CHST15: variants seen among roughly 807,000 people sequenced by gnomAD.
CHST15 encodes the protein B cell RAG associated protein (GALNAC4S-6ST).
Under a neutral mutation model 53.6 loss-of-function variants are expected in CHST15, and 30 were observed. The ratio of observed to expected loss-of-function variants is 0.56; its 90% CI spans 0.42 to 0.76. The LOEUF is 0.76. Among genes scored for constraint, CHST15 ranks in the 30% least tolerant of loss-of-function variants. The probability of loss-of-function intolerance (pLI) is 0.00; values close to 1 mark genes in which losing one functional copy is unlikely to be tolerated. For missense variants in CHST15, 627 were observed against 740.5 expected (o/e 0.85, Z 1.78); for synonymous variants, 296 against 289.8 (o/e 1.02, Z -0.22).
At chr10:124,055,063 T>C (rs1261142232) in intron 1 of CHST15, among the ~76,000 whole-genome samples, 5 of 152,094 alleles carry the variant, frequency 3.3e-5, no homozygotes, top group African/African-American at 4.8e-5. Flanking sequence ...CTTCACAAAG[T>C]AACCCTTCTC....
Position 124,015,239 on chromosome 10 carries a change from G to A in CHST15, c.1348-2759C>T, listed in dbSNP as rs1388610091. Among the ~76,000 whole-genome samples the A allele has an allele frequency of 2.0e-5, 3 of 152,110 alleles. No individual in the cohort carries two copies. The East Asian group carries it at 5.8e-4, about 29-fold the overall frequency. On this transcript the variant is annotated intron_variant, in intron 6 of 7. Transcript: ENST00000435907. ...TTTTTTTTCCCCTCACCTTTTCCCG[G>A]TATAGGACAGAGAATCAAAATAGAA...
intron 1 of CHST15, among the ~76,000 whole-genome samples, chr10:124,062,191 C>G (rs1020066494): frequency 1.3e-5 from 2 of 152,056 alleles, no homozygotes; most frequent in African/African-American, 4.8e-5. Flanking sequence ...CAAAGGAACT[C>G]CAGGTCCAAG....
chr10:124,034,883 GACCCTGGCTCTACCCCTGATAGGT>G (rs2133938763), intron 5 of CHST15, among the ~76,000 whole-genome samples: 1 of 137,248 alleles, frequency 7.3e-6, no homozygotes, highest in Non-Finnish European at 1.5e-5. Flanking sequence ...CCCTAACAGG[GACCCTGGCTCTACCCCTGATAGGT>G]ACCCTGGCTT....
At chr10:124,040,398 C>T (rs923928135) in intron 4 of CHST15, among the ~76,000 whole-genome samples, 11 of 152,310 alleles carry the variant, frequency 7.2e-5, no homozygotes, top group Non-Finnish European at 2.9e-5. Flanking sequence ...AAGAGTACCA[C>T]GATGGGTACC....
intron 1 of CHST15, among the ~76,000 whole-genome samples, chr10:124,052,691 T>C (rs980886747): frequency 6.6e-6 from 1 of 152,218 alleles, no homozygotes; most frequent in Non-Finnish European, 1.5e-5. Context: ...ACCTGTATCA[T>C]GGCAGTGCTG....
Position 124,045,944 on chromosome 10 carries a change from G to A in CHST15, c.269C>T (p.Thr90Ile), listed in dbSNP as rs1564883742. The A allele has an allele frequency of 6.2e-7, 1 of 1,613,800 alleles. No individual in the cohort carries two copies. The highest frequency in any genetic ancestry group is 8.5e-7 in the Non-Finnish European group (1 of 1,180,006). The change falls in exon 2 of 8, where the codon ACC becomes ATC. Residue 90 changes from threonine to isoleucine, a missense_variant. Around this residue, in one of 3 missense-constraint regions of CHST15, gnomAD observed 187 missense variants for 251.8 expected, o/e 0.74. Transcript: ENST00000435907. ...AAGGATGTAAGAAGCCATTACCAAG[G>A]TCATTATTATCAGTCCAAAAACGAG... ...CSLVFGLIIMTLVMASYILSG... is the reference protein window; with the variant it reads ...CSLVFGLIIMILVMASYILSG...
In CHST15 at chr10:124,051,539, C is replaced by T. The variant is rs560595762; in HGVS notation, c.-512-4815G>A. On this transcript the variant is annotated intron_variant, in intron 1 of 7. Coordinates refer to ENST00000435907, the MANE Select transcript of CHST15 (RefSeq NM_001270764.2). ...TGGAATGTCCACATTTGGTGCCGGT[C>T]GACTCAGACAAGACGGGGCCCTTGG... Among the ~76,000 whole-genome samples the T allele has an allele frequency of 1.5e-3, 225 of 152,224 alleles. 1 individual carries two copies. The highest frequency in any genetic ancestry group is 2.9e-3 in the Admixed American group (44 of 15,292).
rs762290121 is a variant in CHST15 at position 124,021,240 on chromosome 10, G to T, written c.1347+16C>A. ...CAGGGGCCAGCTCGGGGGGTACGGG[G>T]GGGGGGGGTACACACAGGCATGGCG... On this transcript the variant is annotated intron_variant, in intron 6 of 7. Coordinates refer to ENST00000435907, the MANE Select transcript of CHST15 (RefSeq NM_001270764.2). 7 of 1,563,440 alleles carry T rather than the reference G, an allele frequency of 4.5e-6. No homozygotes were observed. In the South Asian group the frequency reaches 4.6e-5, roughly 10 times the overall value.
chr10:124,044,812 G>C lies in CHST15; in HGVS notation c.654C>G (p.Tyr218Ter), dbSNP rs570299656. The change falls in exon 3 of 8, where the codon TAC becomes TAG. Residue 218 changes from tyrosine to a stop codon, truncating the protein, a stop_gained. Transcript: ENST00000435907. LOFTEE classifies it high-confidence loss of function. ...NTTDPYLTNSYVLYSKRFRST... is the reference protein window; with the variant it reads ...NTTDPYLTNS ...AGCGGAAGCGCTTGGAGTAGAGCAC[G>C]TAGGAGTTGGTGAGGTAGGGGTCGG... The C allele has an allele frequency of 6.3e-7, 1 of 1,592,924 alleles. No individual in the cohort carries two copies. The highest frequency in any genetic ancestry group is 1.3e-5 in the African/African-American group (1 of 74,184).
chr10:124,086,141 T>C (rs1276243765), intron 1 of CHST15, among the ~76,000 whole-genome samples: 1 of 152,236 alleles, frequency 6.6e-6, no homozygotes, highest in Non-Finnish European at 1.5e-5. Flanking sequence ...ACCTCAATCA[T>C]GCTCTGCCAA....
chr10:124,061,768 C>T (rs1026314800), intron 1 of CHST15, among the ~76,000 whole-genome samples: 53 of 152,316 alleles, frequency 3.5e-4, no homozygotes, highest in Middle Eastern at 3.4e-3. Flanking sequence ...TCCAGTAAGA[C>T]ACGTCTCTGA....
chr10:124,075,458 C>T (rs1033570252), intron 1 of CHST15, among the ~76,000 whole-genome samples: 3 of 152,142 alleles, frequency 2.0e-5, no homozygotes, highest in African/African-American at 4.8e-5. Context: ...CACAGCGTCC[C>T]GGCTCCCTTT....
At chr10:124,012,656 C>T (rs1946453604) in intron 6 of CHST15, among the ~76,000 whole-genome samples, 176 bp from the exon 7 acceptor site, 2 of 152,164 alleles carry the variant, frequency 1.3e-5, no homozygotes, top group Admixed American at 1.3e-4. Flanking sequence ...GGGTTTTGTG[C>T]TACATGTGCA....
chr10:124,049,495 C>G (rs76585563), intron 1 of CHST15, among the ~76,000 whole-genome samples: 9,078 of 152,254 alleles, frequency 0.06, 890 homozygotes, highest in African/African-American at 0.2. Flanking sequence ...ATAAGGGCTG[C>G]AGATTAAGTC....
chr10:124,023,704 C>T (rs748168215), intron 5 of CHST15, among the ~76,000 whole-genome samples: 6 of 152,116 alleles, frequency 3.9e-5, no homozygotes, highest in Non-Finnish European at 8.8e-5. Context: ...CACAGGGTCA[C>T]ACTTCTCTCT....
Position 124,019,025 on chromosome 10 carries a change from AGCT to A in CHST15, c.1347+2228_1347+2230del, listed in dbSNP as rs1451238648. ...TTGACCCATAATAGCCCTGGCTCTG[AGCT>A]GCTGCTATTACTGTTTATGCCAGGA... On this transcript the variant is annotated intron_variant, in intron 6 of 7. Transcript: ENST00000435907. The surrounding 1 kb of genome is among the most constrained non-coding windows in gnomAD (Gnocchi z 4.6). Among the ~76,000 whole-genome samples, 2 of 152,152 alleles carry A rather than the reference AGCT, an allele frequency of 1.3e-5. No individual in the cohort carries two copies. Among genetic ancestry groups the A allele is most frequent in the Non-Finnish European group, 2.9e-5 (2 of 68,024 alleles).
rs184039448 is a variant in CHST15, at chr10:124,038,369, G to C, written c.1190+146C>G. 159 of 840,976 alleles carry C rather than the reference G, an allele frequency of 1.9e-4. 1 individual carries two copies. In the East Asian group the frequency reaches 4.5e-3, roughly 24 times the overall value. 52.1% of individuals were successfully genotyped at this position (840,976 alleles called of 1,614,324 possible). ...GATCCACCCACCCCGGCCTCCCAAA[G>C]TGCTGGGATTACAGGCATGAGCCAC... On this transcript the variant is annotated intron_variant, in intron 5 of 7. Coordinates refer to ENST00000435907, the MANE Select transcript of CHST15 (RefSeq NM_001270764.2).
At chr10:124,069,847 A>C (rs1948858604) in intron 1 of CHST15, among the ~76,000 whole-genome samples, 1 of 152,184 alleles carries the variant, frequency 6.6e-6, no homozygotes, top group Non-Finnish European at 1.5e-5. Context: ...GGCCTGACCA[A>C]ACCAGATTTA....
chr10:124,012,122 G>C (rs902878301), intron 7 of CHST15, among the ~76,000 whole-genome samples: 1 of 152,130 alleles, frequency 6.6e-6, no homozygotes, highest in Non-Finnish European at 1.5e-5. Context: ...CTTCTCTCCA[G>C]AGAATCCCTC....
Sources: gnomAD v4.1 joint callset for allele counts (sites outside exome capture counted in the v4.1 genomes callset) on GRCh38, gnomAD v4.1.1 for gene constraint, gnomAD v4.1.1 regional missense constraint, Gnocchi (gnomAD v3.1) non-coding constraint, MANE v1.5 for transcripts, NCBI Gene and HGNC (gene_info 2026-07-23, HGNC 2026-07-21) for gene names.